The following SGCG variants were observed in gnomAD, a reference collection of about 807,000 sequenced individuals.
SGCG encodes the protein sarcoglycan gamma, also known as gamma-sarcoglycan.
Under a neutral mutation model 29.3 loss-of-function variants are expected in SGCG, and 26 were observed. That is an observed-to-expected ratio of 0.89 (90% CI 0.65 to 1.23). The LOEUF (loss-of-function observed/expected upper bound fraction) is 1.23, where lower values mean the gene tolerates loss of function less well. Ranked by LOEUF, SGCG falls within the 50% of genes most tolerant of loss-of-function variation. The pLI, the probability that SGCG is intolerant of heterozygous loss-of-function variation, is 0.00. For synonymous variants in SGCG, 145 were observed against 129.7 expected, an observed-to-expected ratio of 1.12 and a Z score of -0.80; for missense variants, 353 against 356.0, an observed-to-expected ratio of 0.99 and a Z score of 0.07.
chr13:23,248,252 C>T (rs1323691868), intron 3 of SGCG, among the ~76,000 whole-genome samples: 1 of 152,188 alleles, frequency 6.6e-6, no homozygotes, highest in Non-Finnish European at 1.5e-5. Context: ...CTACTCCTCT[C>T]TCCCTGCATT....
intron 1 of SGCG, among the ~76,000 whole-genome samples, chr13:23,187,516 T>C (rs549035277): frequency 1.3e-5 from 2 of 152,310 alleles, no homozygotes; most frequent in African/African-American, 2.4e-5. Flanking sequence ...GGGCCACCCA[T>C]TGCAGTGTGG....
chr13:23,200,228 G>A (rs1272823217), intron 1 of SGCG, among the ~76,000 whole-genome samples: 3 of 152,102 alleles, frequency 2.0e-5, no homozygotes, highest in Non-Finnish European at 4.4e-5. Flanking sequence ...TTCAAGACCA[G>A]CCTGGCCAAC....
intron 4 of SGCG, among the ~76,000 whole-genome samples, chr13:23,265,494 C>T (rs924670440): frequency 1.3e-5 from 2 of 152,116 alleles, no homozygotes; most frequent in African/African-American, 4.8e-5. Context: ...GGAGAATTCG[C>T]TTGAACCTGG....
intron 4 of SGCG, chr13:23,267,721 T>G (rs7338068): frequency 0.35 from 53,561 of 152,084 alleles, 9,920 homozygotes; most frequent in Non-Finnish European, 0.4. Flanking sequence ...AATATCCTTG[T>G]GTGTAATGAT....
intron 1 of SGCG, among the ~76,000 whole-genome samples, chr13:23,199,451 A>G (rs1246334896): frequency 6.6e-6 from 1 of 152,216 alleles, no homozygotes; most frequent in East Asian, 1.9e-4. Flanking sequence ...AATTTGAGTA[A>G]ATACCTAAAG....
chr13:23,244,788 C>A (rs1879637006), intron 3 of SGCG: 1 of 152,186 alleles, frequency 6.6e-6, no homozygotes, highest in Non-Finnish European at 1.5e-5. Context: ...CATGGAAGGG[C>A]TTTGGCATCT....
intron 5 of SGCG, among the ~76,000 whole-genome samples, chr13:23,281,754 G>A (rs1009980485): frequency 2.0e-5 from 3 of 152,114 alleles, no homozygotes; most frequent in Non-Finnish European, 4.4e-5. Flanking sequence ...AGTAGGGTTC[G>A]CACTCCTATG....
At chr13:23,177,954 C>A (rs1876613421), upstream of SGCG, among the ~76,000 whole-genome samples, 1 of 151,990 alleles carries the variant, frequency 6.6e-6, no homozygotes, top group Admixed American at 6.6e-5. Flanking sequence ...TCAAAGATAG[C>A]CAGGCACCCA....
intron 6 of SGCG, among the ~76,000 whole-genome samples, chr13:23,303,723 A>G (rs1002095920): frequency 3.3e-5 from 5 of 152,230 alleles, no homozygotes; most frequent in African/African-American, 9.6e-5. Context: ...GTAAATTTTC[A>G]TATTGTTGGA....
intron 6 of SGCG, among the ~76,000 whole-genome samples, chr13:23,312,568 A>C (rs1469333316): frequency 6.6e-6 from 1 of 152,198 alleles, no homozygotes; most frequent in Non-Finnish European, 1.5e-5. Flanking sequence ...ATGTGTACAC[A>C]TGGACGTAGT....
rs537993262 is a variant in SGCG, at chr13:23,224,714, G to C, written c.196-9897G>C. Reference sequence around the variant, plus strand: ...CAGTGCAAGCACTGCTAACTAGCGAGTACATTTTTTCCTACTAAGCCAGGC... The same window carrying C: ...CAGTGCAAGCACTGCTAACTAGCGACTACATTTTTTCCTACTAAGCCAGGC... On this transcript the variant is annotated intron_variant, in intron 2 of 7. Transcript: ENST00000218867. 4.8e-5 allele frequency among the ~76,000 whole-genome samples: 7 copies of C among 146,066 alleles called. No homozygotes were observed. The South Asian group carries it at 1.6e-3, about 34-fold the overall frequency.
chr13:23,227,367 GAAC>G (rs1878942151), intron 2 of SGCG, among the ~76,000 whole-genome samples: 1 of 150,606 alleles, frequency 6.6e-6, no homozygotes, highest in Non-Finnish European at 1.5e-5. Flanking sequence ...CAAGAATGCG[GAAC>G]AACTATAACT....
intron 1 of SGCG, among the ~76,000 whole-genome samples, chr13:23,201,987 G>A (rs967101803): frequency 2.6e-5 from 4 of 152,200 alleles, no homozygotes; most frequent in Non-Finnish European, 4.4e-5. Flanking sequence ...GAGGGAGGCT[G>A]CTTTGAGGAG....
rs1477463082 is a variant in SGCG, at chr13:23,195,454, T to A, written c.1-8241T>A. Among the ~76,000 whole-genome samples, 4 of 152,204 alleles carry A rather than the reference T, an allele frequency of 2.6e-5. No homozygotes were observed. In the South Asian group the frequency reaches 6.2e-4, roughly 24 times the overall value. ...GTGGGTTTGAGCTTGTTTTTATTTT[T>A]TTTTTCCCTTTTAGTCACTTGCTCG... On this transcript the variant is annotated intron_variant, in intron 1 of 7. Coordinates refer to ENST00000218867, the MANE Select transcript of SGCG (RefSeq NM_000231.3).
chr13:23,279,345 T>C lies in SGCG; in HGVS notation c.386-14T>C, dbSNP rs1245099273. ...GTAGTGAACAGTTTATAATAAACTG[T>C]TTTAATTCTTCAGGTCCCAAAATGG... On this transcript the variant is annotated splice_polypyrimidine_tract_variant and intron_variant, in intron 4 of 7. Coordinates refer to ENST00000218867, the MANE Select transcript of SGCG (RefSeq NM_000231.3). The C allele has an allele frequency of 1.9e-6, 3 of 1,611,104 alleles. No homozygotes were observed. The South Asian group carries it at 3.3e-5, about 18-fold the overall frequency.
intron 3 of SGCG, 79 bp from the exon 4 acceptor site, chr13:23,250,551 C>T (rs1879920335): frequency 2.6e-6 from 2 of 761,964 alleles, no homozygotes; most frequent in African/African-American, 1.7e-5. Context: ...TTATAAAAAT[C>T]CTAAATTTAC....
At chr13:23,305,507 T>C (rs1203094655) in intron 6 of SGCG, among the ~76,000 whole-genome samples, 1 of 152,220 alleles carries the variant, frequency 6.6e-6, no homozygotes, top group Non-Finnish European at 1.5e-5. Context: ...AAGTATAATA[T>C]CTCTAATCAA....
chr13:23,257,881 C>T (rs1012528085), intron 4 of SGCG, among the ~76,000 whole-genome samples: 8 of 151,960 alleles, frequency 5.3e-5, no homozygotes, highest in African/African-American at 1.9e-4. Flanking sequence ...ATTTCTGAGG[C>T]CTCTGTTCTG....
intron 1 of SGCG, among the ~76,000 whole-genome samples, chr13:23,186,511 C>A (rs1876978336): frequency 6.6e-6 from 1 of 152,108 alleles, no homozygotes; most frequent in Non-Finnish European, 1.5e-5. Context: ...GGATGGGAGG[C>A]ACATACTTCC....
Sources: gnomAD v4.1 joint callset for allele counts (sites outside exome capture counted in the v4.1 genomes callset) on GRCh38, gnomAD v4.1.1 for gene constraint, MANE v1.5 for transcripts, NCBI Gene and HGNC (gene_info 2026-07-23, HGNC 2026-07-21) for gene names.